Variants in CDC42BPB observed in about 807,000 individuals in gnomAD.
CDC42BPB encodes the protein CDC42 binding protein kinase beta.
CDC42BPB carries 37 observed loss-of-function variants against 214.9 expected under a neutral mutation model. The ratio of observed to expected loss-of-function variants is 0.17; its 90% CI spans 0.13 to 0.23. CDC42BPB has a LOEUF of 0.23. Ranked by LOEUF, CDC42BPB falls within the 10% of genes least tolerant of loss-of-function variation. The pLI is 1.00. For synonymous variants in CDC42BPB, 931 were observed against 884.0 expected (o/e 1.05, Z -0.94); for missense variants, 1,694 against 2,227.0 (o/e 0.76, Z 4.82).
intron 2 of CDC42BPB, chr14:103,008,783 C>G (rs755176473): frequency 2.9e-5 from 18 of 614,846 alleles, no homozygotes; most frequent in Non-Finnish European, 3.7e-5. Context: ...TGCAAATTCA[C>G]CCCTTTATGG....
Position 102,975,963 on chromosome 14 carries a change from T to A in CDC42BPB, c.1307A>T (p.His436Leu), listed in dbSNP as rs532655051. 4 of 1,614,146 alleles carry A rather than the reference T, an allele frequency of 2.5e-6. No homozygotes were observed. The highest frequency in any genetic ancestry group is 3.4e-6 in the Non-Finnish European group (4 of 1,180,058). The change falls in exon 10 of 37, where the codon CAC (histidine) becomes CTC (leucine). Residue 436 changes from histidine (H) to leucine (L), a missense_variant. His to Leu is a moderately conservative substitution (Grantham distance 99). Around this residue, in one of 7 missense-constraint regions of CDC42BPB, gnomAD observed 462 missense variants for 513.5 expected, o/e 0.90. Transcript: ENST00000361246. Reference sequence around the variant, plus strand: ...CTCGTAAGCTTCCATCTGCAGGCTGTGCTCCAGGTCCCGCTGCACATCCTC... The same window carrying A: ...CTCGTAAGCTTCCATCTGCAGGCTGAGCTCCAGGTCCCGCTGCACATCCTC... The part of the protein sequence containing the change: ...KDEDVQRDLE[H>L]SLQMEAYERR...
chr14:103,053,500 A>T (rs376505798), intron 1 of CDC42BPB, among the ~76,000 whole-genome samples: 2 of 151,976 alleles, frequency 1.3e-5, no homozygotes, highest in East Asian at 2.0e-4. Context: ...GGTGGCTCAC[A>T]CCTGTAATCC....
rs553281704 is a variant in CDC42BPB at position 102,998,708 on chromosome 14, C to T, written c.596+857G>A. ...CTCTCAGCTCAACTCCTGCAAGTCGCAGTGATGGAAGCCTCTTCCTCAAGC... is the reference window on the plus strand; with the variant it reads ...CTCTCAGCTCAACTCCTGCAAGTCGTAGTGATGGAAGCCTCTTCCTCAAGC... On this transcript the variant is annotated intron_variant, in intron 5 of 36. Coordinates refer to ENST00000361246, the MANE Select transcript of CDC42BPB (RefSeq NM_006035.4). Among the ~76,000 whole-genome samples, 24 of 152,298 alleles carry T rather than the reference C, an allele frequency of 1.6e-4. 1 individual carries two copies. Among genetic ancestry groups the T allele is most frequent in the African/African-American group, 5.3e-4 (22 of 41,570 alleles).
intron 9 of CDC42BPB, 150 bp from the exon 10 acceptor site, chr14:102,976,199 T>C: frequency 1.4e-6 from 2 of 1,443,468 alleles, no homozygotes; most frequent in Non-Finnish European, 1.8e-6. Flanking sequence ...GAACCAAAGT[T>C]AGACAAGTGA....
At chr14:103,034,845 G>A (rs1378017653) in intron 1 of CDC42BPB, among the ~76,000 whole-genome samples, 14 of 150,802 alleles carry the variant, frequency 9.3e-5, no homozygotes, top group African/African-American at 3.4e-4. Flanking sequence ...GAAAAGAAAA[G>A]GGATGTAGAG....
chr14:102,958,802 T>C (rs1004009434), intron 21 of CDC42BPB, among the ~76,000 whole-genome samples: 4 of 151,948 alleles, frequency 2.6e-5, no homozygotes, highest in Non-Finnish European at 4.4e-5. Flanking sequence ...GCTACACAGA[T>C]GGAAACACAA....
At chr14:102,982,902 G>A (rs1420491769) in intron 7 of CDC42BPB, among the ~76,000 whole-genome samples, 2 of 151,704 alleles carry the variant, frequency 1.3e-5, no homozygotes, top group African/African-American at 4.8e-5. Flanking sequence ...ACATGACTAA[G>A]GAAAATTTTT....
At chr14:102,979,457 C>T (rs1354363045) in intron 8 of CDC42BPB, among the ~76,000 whole-genome samples, 8 of 152,136 alleles carry the variant, frequency 5.3e-5, no homozygotes, top group Admixed American at 2.6e-4. Flanking sequence ...GGTGATCCGC[C>T]CACCTCAGCC....
intron 1 of CDC42BPB, among the ~76,000 whole-genome samples, chr14:103,033,156 G>A (rs944556908): frequency 1.3e-5 from 2 of 152,098 alleles, no homozygotes; most frequent in African/African-American, 4.8e-5. Flanking sequence ...AACTGACTGT[G>A]AGTTGATAAC....
intron 1 of CDC42BPB, 101 bp downstream of exon 1, chr14:103,056,898 G>C: frequency 1.2e-6 from 1 of 829,068 alleles, no homozygotes; most frequent in Non-Finnish European, 1.7e-6. Flanking sequence ...GCAGGAGGGC[G>C]GCAGGGTCTG....
chr14:102,989,363 T>C (rs1447009177), intron 5 of CDC42BPB, among the ~76,000 whole-genome samples: 1 of 152,222 alleles, frequency 6.6e-6, no homozygotes, highest in East Asian at 1.9e-4. Context: ...CCTACGTATG[T>C]AATTTATTTC....
chr14:102,999,895 C>A, intron 4 of CDC42BPB, 182 bp from the exon 5 acceptor site: 2 of 985,456 alleles, frequency 2.0e-6, no homozygotes, highest in Non-Finnish European at 2.4e-6. Flanking sequence ...GTCCACGACG[C>A]CGCCATCTTC....
chr14:102,979,133 C>T (rs1211322489), intron 8 of CDC42BPB, among the ~76,000 whole-genome samples: 1 of 152,166 alleles, frequency 6.6e-6, no homozygotes, highest in Non-Finnish European at 1.5e-5. Flanking sequence ...AGCATTTTCT[C>T]CATGTGGTCT....
At position 103,004,010 on chromosome 14, in the gene CDC42BPB, C is replaced by T. The variant is rs1895116700; in HGVS notation, c.365G>A (p.Arg122Gln). Reference protein sequence around the residue: ...MLKRAETACFREERDVLVNGD... With the variant: ...MLKRAETACFQEERDVLVNGD... ...GTTCACCAGCACATCGCGCTCCTCT[C>T]GGAAGCACGCGGTCTGCAAAGCAAC... The change falls in exon 4 of 37, where the codon CGA becomes CAA. Residue 122 changes from arginine to glutamine, a missense_variant. Physicochemically the swap from Arg to Gln is conservative, Grantham distance 43 (BLOSUM62 1). This residue lies in a region of CDC42BPB where 225 missense variants were observed against 459.3 expected (regional missense o/e 0.49). Transcript: ENST00000361246. The surrounding 1 kb of genome is among the most constrained non-coding windows in gnomAD (Gnocchi z 5.3). The T allele has an allele frequency of 1.2e-6, 2 of 1,602,992 alleles. No individual in the cohort carries two copies. The highest frequency in any genetic ancestry group is 1.7e-6 in the Non-Finnish European group (2 of 1,178,322).
intron 1 of CDC42BPB, among the ~76,000 whole-genome samples, chr14:103,048,552 A>AAAAAAAAAAAAAAAAAAC (rs1888426402): frequency 6.8e-6 from 1 of 146,564 alleles, no homozygotes; most frequent in Non-Finnish European, 1.5e-5. Context: ...AAAAAAAAAA[A>AAAAAAAAAAAAAAAAAAC]AAAAAAAAAT....
intron 1 of CDC42BPB, among the ~76,000 whole-genome samples, chr14:103,033,502 G>GT (rs1359769761): frequency 1.3e-5 from 2 of 152,158 alleles, no homozygotes; most frequent in African/African-American, 4.8e-5. Flanking sequence ...GATTACAGGT[G>GT]TAAGCCACCG....
At position 103,057,433 on chromosome 14, in the gene CDC42BPB, GGCCCGCCCCCGCCGCCCTCAGCCCC is replaced by G. The variant is rs1410147785; in HGVS notation, c.-285_-261del. ...GCGCCGCCGCCCTCCCAGCTCGGGC[GGCCCGCCCCCGCCGCCCTCAGCCCC>G]GCCCGCGGCCGCGCCCTCCCCGCCG... On this transcript the variant is annotated 5_prime_UTR_variant, in exon 1 of 37. Coordinates refer to ENST00000361246, the MANE Select transcript of CDC42BPB (RefSeq NM_006035.4). The G allele has an allele frequency of 1.7e-6, 1 of 590,864 alleles. No homozygotes were observed. Among genetic ancestry groups the G allele is most frequent in the Non-Finnish European group, 2.1e-6 (1 of 471,262 alleles). The allele number at this position is 590,864 out of a possible 1,614,324, so 36.6% of individuals were successfully genotyped here. A position where few individuals can be genotyped will look rare whatever the true frequency, so the allele number is the denominator to read the frequency against.
intron 1 of CDC42BPB, among the ~76,000 whole-genome samples, chr14:103,028,967 T>G (rs956349845): frequency 1.3e-5 from 2 of 152,220 alleles, no homozygotes; most frequent in Non-Finnish European, 2.9e-5. Context: ...TTCAGCAGGG[T>G]TCTTAACAAC....
intron 34 of CDC42BPB, 94 bp downstream of exon 34, chr14:102,939,516 C>A: frequency 2.3e-6 from 2 of 885,012 alleles, no homozygotes; most frequent in Non-Finnish European, 1.9e-6. Context: ...GCCTCGCAGG[C>A]ACTGCCTTTG....
Sources: allele counts gnomAD v4.1 joint callset (sites outside exome capture counted in the v4.1 genomes callset), GRCh38; gene constraint gnomAD v4.1.1; regional missense constraint gnomAD v4.1.1; non-coding constraint Gnocchi (gnomAD v3.1); transcripts MANE v1.5; gene names NCBI Gene and HGNC (gene_info 2026-07-23, HGNC 2026-07-21).